TATDN2: variants seen among roughly 807,000 people sequenced by gnomAD.
TATDN2 encodes the protein 3'-5' RNA nuclease TATDN2.
Under a neutral mutation model 60.3 loss-of-function variants are expected in TATDN2, and 44 were observed. The observed-to-expected ratio is 0.73, with a 90% CI of 0.57 to 0.94. The LOEUF is 0.94. TATDN2 is among the 40% of genes least tolerant of loss of function. The pLI is 0.00. For synonymous variants in TATDN2, 399 were observed against 355.8 expected (o/e 1.12, Z -1.37); for missense variants, 997 against 948.0 (o/e 1.05, Z -0.68).
rs1461774037 is a variant in TATDN2 at position 10,270,185 on chromosome 3, G to C, written c.1003G>C (p.Asp335His). The C allele has an allele frequency of 6.2e-7, 1 of 1,614,060 alleles. No homozygotes were observed. Among genetic ancestry groups the C allele is most frequent in the South Asian group, 1.1e-5 (1 of 91,084 alleles). ...CCCCTCTTCTGGAAGTGACTGGTCT[G>C]ATGTTGAGGAGATCTCCACAGTCAG... ...EHPSSGSDWS[D>H]VEEISTVRFS... is the part of the protein sequence containing the mutation. The change falls in exon 4 of 8, where the codon GAT becomes CAT. Residue 335 changes from aspartate to histidine, a missense_variant. Physicochemically the swap from Asp to His is moderately conservative, Grantham distance 81. Coordinates refer to ENST00000448281, the MANE Select transcript of TATDN2 (RefSeq NM_014760.4).
At chr3:10,264,825 C>A (rs1211494746) in intron 3 of TATDN2, among the ~76,000 whole-genome samples, 1 of 151,940 alleles carries the variant, frequency 6.6e-6, no homozygotes, top group Non-Finnish European at 1.5e-5. Context: ...ACTATAGGCG[C>A]ATGCCACCAT....
rs2241313 is a variant in TATDN2, at chr3:10,260,361, C to T, written c.639C>T (p.Ser213=). Residue 213 remains serine, a synonymous_variant, in exon 3 of 8, where the codon AGC becomes AGT. Transcript: ENST00000448281. ...AGGCTGCCACTCGGGCAAAACCAAG[C>T]GCAGCAGAGCATCCCAGCCATGGAG... The part of the protein sequence containing the change: ...KGEAATRAKP[S]AAEHPSHGEG... 247,599 of 1,613,754 alleles carry T rather than the reference C, an allele frequency of 0.15. 29,775 individuals are homozygous for T. The highest frequency in any genetic ancestry group is 0.65 in the East Asian group (29,027 of 44,802).
At chr3:10,256,867 C>G (rs1354897507) in intron 2 of TATDN2, among the ~76,000 whole-genome samples, 1 of 151,630 alleles carries the variant, frequency 6.6e-6, no homozygotes, top group African/African-American at 2.4e-5. Flanking sequence ...GATGTGCTAG[C>G]AAATGTGTAA....
At chr3:10,256,609 A>G (rs754150968) in intron 2 of TATDN2, among the ~76,000 whole-genome samples, 2 of 152,110 alleles carry the variant, frequency 1.3e-5, no homozygotes, top group Non-Finnish European at 2.9e-5. Flanking sequence ...TTTACTTGAA[A>G]GAAACAGAAT....
intron 4 of TATDN2, among the ~76,000 whole-genome samples, chr3:10,273,149 G>A (rs1462226754): frequency 6.6e-6 from 1 of 152,204 alleles, no homozygotes; most frequent in Non-Finnish European, 1.5e-5. Context: ...GATGTCATTT[G>A]GCTTGGTGAG....
intron 2 of TATDN2, among the ~76,000 whole-genome samples, chr3:10,255,186 A>AT (rs1410786073): frequency 6.7e-6 from 1 of 149,196 alleles, no homozygotes; most frequent in Non-Finnish European, 1.5e-5. Flanking sequence ...ATTTTTCTGT[A>AT]TTTTTTGTAG....
intron 2 of TATDN2, among the ~76,000 whole-genome samples, chr3:10,253,950 C>G (rs763261853): frequency 6.6e-6 from 1 of 152,328 alleles, no homozygotes; most frequent in East Asian, 1.9e-4. Flanking sequence ...AGCACCTGCT[C>G]TGTTCTAGCC....
Position 10,260,331 on chromosome 3 carries a change from G to A in TATDN2, c.609G>A (p.Lys203=), listed in dbSNP as rs778728614. 1.9e-6 allele frequency: 3 copies of A among 1,614,082 alleles called. No individual in the cohort carries two copies. Among genetic ancestry groups the A allele is most frequent in the African/African-American group, 2.7e-5 (2 of 74,940 alleles). The part of the protein sequence containing the change: ...GILGKSMPKR[K]GEAATRAKPS... ...TGGGGAAATCGATGCCAAAAAGGAA[G>A]GGAGAGGCTGCCACTCGGGCAAAAC... The change falls in exon 3 of 8, where the codon AAG becomes AAA. Residue 203 remains lysine, a synonymous_variant. Transcript: ENST00000448281.
rs551785990 is a variant in TATDN2, at chr3:10,248,533, C to G, written c.-541C>G. On this transcript the variant is annotated 5_prime_UTR_variant, in exon 1 of 8. Transcript: ENST00000448281. ...CACGGAGGCCGGAGTGGTCGCAGTTCGGGCGGAGGCCGGGCCAGGCGGGGC... is the reference window on the plus strand; with the variant it reads ...CACGGAGGCCGGAGTGGTCGCAGTTGGGGCGGAGGCCGGGCCAGGCGGGGC... 1.2e-3 allele frequency: 182 copies of G among 152,206 alleles called. 2 individuals carry two copies. Among genetic ancestry groups the G allele is most frequent in the Middle Eastern group, 6.8e-3 (2 of 292 alleles). The allele number at this position is 152,206 out of a possible 1,614,324, so 9.4% of individuals were successfully genotyped here. A position where few individuals can be genotyped will look rare whatever the true frequency, so the allele number is the denominator to read the frequency against.
In TATDN2 at chr3:10,260,497, G is replaced by T; in HGVS notation, c.775G>T (p.Glu259Ter). 6.2e-7 allele frequency: 1 copy of T among 1,614,038 alleles called. No individual in the cohort carries two copies. Among genetic ancestry groups the T allele is most frequent in the South Asian group, 1.1e-5 (1 of 91,062 alleles). ...EKDATPEVSM[E>*]EDKTVPERSS... is the part of the protein sequence containing the mutation. Reference sequence around the variant, plus strand: ...AGACGCAACCCCAGAGGTCAGCATGGAGGAGGATAAGACAGTGCCAGAGAG... The same window carrying T: ...AGACGCAACCCCAGAGGTCAGCATGTAGGAGGATAAGACAGTGCCAGAGAG... Residue 259 changes from glutamate (E) to a stop codon, truncating the protein, a stop_gained, in exon 3 of 8, where the codon GAG becomes TAG. Coordinates refer to ENST00000448281, the MANE Select transcript of TATDN2 (RefSeq NM_014760.4). LOFTEE classifies it high-confidence loss of function.
At position 10,270,329 on chromosome 3, in the gene TATDN2, G is replaced by T. The variant is rs760026472; in HGVS notation, c.1147G>T (p.Ala383Ser). The T allele has an allele frequency of 6.2e-7, 1 of 1,613,960 alleles. No individual in the cohort carries two copies. Among genetic ancestry groups the T allele is most frequent in the Non-Finnish European group, 8.5e-7 (1 of 1,180,028 alleles). ...GTACAGTAGTCCTTGGTGTGACTAC[G>T]CCAGCTATTGGACCAGCAGCCCCAA... The part of the protein sequence containing the change: ...HLYSSPWCDY[A>S]SYWTSSPKPS... The change falls in exon 4 of 8, where the codon GCC becomes TCC. Residue 383 changes from alanine (A) to serine (S), a missense_variant. Ala to Ser is a moderately conservative substitution (Grantham distance 99). Coordinates refer to ENST00000448281, the MANE Select transcript of TATDN2 (RefSeq NM_014760.4).
At chr3:10,271,376 C>T (rs1349980390) in intron 4 of TATDN2, among the ~76,000 whole-genome samples, 5 of 152,284 alleles carry the variant, frequency 3.3e-5, no homozygotes, top group Admixed American at 1.3e-4. Context: ...TGCAGTGGTG[C>T]GATCTCAGCT....
intron 4 of TATDN2, among the ~76,000 whole-genome samples, chr3:10,273,419 G>T (rs164938): frequency 0.49 from 74,315 of 151,968 alleles, 19,178 homozygotes; most frequent in East Asian, 0.7. Flanking sequence ...AGCAAGTTCT[G>T]GATGTGTCCT....
At chr3:10,264,337 A>G (rs553604617) in intron 3 of TATDN2, among the ~76,000 whole-genome samples, 1 of 152,250 alleles carries the variant, frequency 6.6e-6, no homozygotes, top group South Asian at 2.1e-4. Flanking sequence ...TTATTTGGCC[A>G]TCTGCTTTCT....
rs772729593 is a variant in TATDN2, at chr3:10,271,014, A to G, written c.1832A>G (p.Lys611Arg). Residue 611 changes from lysine to arginine, a missense_variant and splice_region_variant, in exon 4 of 8, where the codon AAG becomes AGG. By Grantham distance (26) the Lys-to-Arg change is conservative. Transcript: ENST00000448281. ...ACCACGCCTGTCCCAGAACAGCACA[A>G]GGTAACAAGGCTCTCTTTAGTCTGC... ...KCTTPVPEQH[K>R]VFERQLQLAV... 7.1e-6 allele frequency: 11 copies of G among 1,556,534 alleles called. No individual in the cohort carries two copies. In the Admixed American group the frequency reaches 1.8e-4, roughly 26 times the overall value.
chr3:10,276,460 T>C lies in TATDN2; in HGVS notation c.1933T>C (p.Phe645Leu). The change falls in exon 5 of 8, where the codon TTT becomes CTT. Residue 645 changes from phenylalanine (F) to leucine (L), a missense_variant. Physicochemically the swap from Phe to Leu is conservative, Grantham distance 22. Transcript: ENST00000448281. Reference sequence around the variant, plus strand: ...AGATCTGCTAGAAATCATGAAAAAGTTTGTGCCCCCTGACTACAAGATCCA... The same window carrying C: ...AGATCTGCTAGAAATCATGAAAAAGCTTGTGCCCCCTGACTACAAGATCCA... ...DEDLLEIMKK[F>L]VPPDYKIHRH... is the part of the protein sequence containing the mutation. 1 of 1,614,068 alleles carries C rather than the reference T, an allele frequency of 6.2e-7. No individual in the cohort carries two copies. Among genetic ancestry groups the C allele is most frequent in the Non-Finnish European group, 8.5e-7 (1 of 1,179,990 alleles).
At chr3:10,277,119 G>C (rs1698651068) in intron 5 of TATDN2, among the ~76,000 whole-genome samples, 1 of 152,118 alleles carries the variant, frequency 6.6e-6, no homozygotes, top group East Asian at 1.9e-4. Context: ...AGGTTGCTGT[G>C]GGGTGTGGTG....
At position 10,260,369 on chromosome 3, in the gene TATDN2, A is replaced by G. The variant is rs367785698; in HGVS notation, c.647A>G (p.Glu216Gly). 3.1e-6 allele frequency: 5 copies of G among 1,614,214 alleles called. No individual in the cohort carries two copies. Among genetic ancestry groups the G allele is most frequent in the Non-Finnish European group, 4.2e-6 (5 of 1,180,038 alleles). Residue 216 changes from glutamate (E) to glycine (G), a missense_variant, in exon 3 of 8, where the codon GAG becomes GGG. Coordinates refer to ENST00000448281, the MANE Select transcript of TATDN2 (RefSeq NM_014760.4). ...AATRAKPSAA[E>G]HPSHGEGPAR... ...ACTCGGGCAAAACCAAGCGCAGCAG[A>G]GCATCCCAGCCATGGAGAAGGACCA...
chr3:10,250,358 C>G (rs780776662), intron 2 of TATDN2, among the ~76,000 whole-genome samples: 2 of 151,916 alleles, frequency 1.3e-5, no homozygotes, highest in Non-Finnish European at 2.9e-5. Context: ...AGGCAATGTT[C>G]TAGGTGTTTG....
Sources: allele counts gnomAD v4.1 joint callset (sites outside exome capture counted in the v4.1 genomes callset), GRCh38; gene constraint gnomAD v4.1.1; transcripts MANE v1.5; gene names NCBI Gene and HGNC (gene_info 2026-07-23, HGNC 2026-07-21).